Variants in MYO9A observed in about 807,000 individuals in gnomAD.
The protein encoded by MYO9A is myosin IXA, also known as unconventional myosin-IXa.
Under a neutral mutation model 293.3 loss-of-function variants are expected in MYO9A, and 103 were observed. The ratio of observed to expected loss-of-function variants is 0.35; its 90% CI spans 0.30 to 0.41. The LOEUF is 0.41. Among genes scored for constraint, MYO9A ranks in the 10% least tolerant of loss-of-function variants. MYO9A has a pLI of 1.00. For missense variants in MYO9A, 2,685 were observed against 3,033.0 expected (o/e 0.89, Z 2.69); for synonymous variants, 1,001 against 1,035.7 (o/e 0.97, Z 0.64).
chr15:71,989,900 T>C lies in MYO9A; in HGVS notation c.1722+1203A>G, dbSNP rs1026877060. 3.3e-5 allele frequency among the ~76,000 whole-genome samples: 5 copies of C among 151,818 alleles called. No individual in the cohort carries two copies. The East Asian group carries it at 9.7e-4, about 29-fold the overall frequency. ...CAAAAATTAGTTGGGTGTGGTGACG[T>C]GCACCTGTGGTCCCAGCTCTTGAGT... is the stretch of plus-strand genomic sequence containing the variant. On this transcript the variant is annotated intron_variant, in intron 11 of 41. Transcript: ENST00000356056.
intron 2 of MYO9A, among the ~76,000 whole-genome samples, chr15:72,043,531 T>C (rs1404716277): frequency 1.3e-5 from 2 of 152,186 alleles, no homozygotes; most frequent in Non-Finnish European, 2.9e-5. Context: ...TATCGACATA[T>C]GCAACAACAT....
At chr15:71,925,560 C>T (rs187477064) in intron 18 of MYO9A, among the ~76,000 whole-genome samples, 19 of 151,832 alleles carry the variant, frequency 1.3e-4, no homozygotes, top group Admixed American at 1.2e-3. Context: ...TATCTGCTGT[C>T]GTTTTGTTCT....
In MYO9A at chr15:72,045,856, C is replaced by T. The variant is rs1305374186; in HGVS notation, c.708G>A (p.Val236=). The change falls in exon 2 of 42, where the codon GTG becomes GTA. Residue 236 remains valine, a synonymous_variant. Transcript: ENST00000356056. ...TCCCAGAACCACTCTCTCCTGAAATCACGATGCACTGATTCTTTTTGCGCT... is the reference window on the plus strand; with the variant it reads ...TCCCAGAACCACTCTCTCCTGAAATTACGATGCACTGATTCTTTTTGCGCT... The part of the protein sequence containing the change: ...MLQRKKNQCI[V]ISGESGSGKT... 6.2e-7 allele frequency: 1 copy of T among 1,614,136 alleles called. No individual in the cohort carries two copies. The highest frequency in any genetic ancestry group is 1.3e-5 in the African/African-American group (1 of 75,034).
intron 15 of MYO9A, among the ~76,000 whole-genome samples, chr15:71,949,878 A>G (rs1450091879): frequency 6.6e-6 from 1 of 152,110 alleles, no homozygotes; most frequent in Non-Finnish European, 1.5e-5. Flanking sequence ...CTCTGAAACT[A>G]TGCAAGTTAG....
chr15:71,961,094 T>C (rs184381810), intron 13 of MYO9A, among the ~76,000 whole-genome samples: 15 of 152,254 alleles, frequency 9.9e-5, no homozygotes, highest in Admixed American at 3.3e-4. Context: ...GGTTGCTGCA[T>C]AGGAAATGAA....
chr15:71,827,763 A>G, intron 41 of MYO9A, 121 bp downstream of exon 41: 11 of 1,160,394 alleles, frequency 9.5e-6, no homozygotes, highest in Non-Finnish European at 1.2e-5. Context: ...AAATTCCTCA[A>G]GACTTTGTTA....
intron 11 of MYO9A, among the ~76,000 whole-genome samples, chr15:71,988,268 G>A (rs2076453347): frequency 6.6e-6 from 1 of 152,160 alleles, no homozygotes; most frequent in African/African-American, 2.4e-5. Context: ...TTATGTAAGA[G>A]TTTTGGACTG....
rs1027666400 is a variant in MYO9A, at chr15:71,823,385, G to T, written c.*3195C>A. On this transcript the variant is annotated 3_prime_UTR_variant, in exon 42 of 42. Coordinates refer to ENST00000356056, the MANE Select transcript of MYO9A (RefSeq NM_006901.4). Reference sequence around the variant, plus strand: ...TGGAGTCTTCATTAATCTTCCAGCAGGGTAAGTGCTCTGGCAGGTTTCCAA... The same window carrying T: ...TGGAGTCTTCATTAATCTTCCAGCATGGTAAGTGCTCTGGCAGGTTTCCAA... 6.6e-6 allele frequency: 1 copy of T among 152,196 alleles called. No homozygotes were observed. The highest frequency in any genetic ancestry group is 1.5e-5 in the Non-Finnish European group (1 of 68,040). 9.4% of individuals were successfully genotyped at this position (152,196 alleles called of 1,614,324 possible).
intron 13 of MYO9A, among the ~76,000 whole-genome samples, chr15:71,964,827 A>C (rs185266603): frequency 8.6e-4 from 130 of 151,658 alleles, no homozygotes; most frequent in African/African-American, 3.0e-3. Flanking sequence ...TGGTGGCACA[A>C]GCCTGTAGTC....
At chr15:71,983,834 T>C (rs1326128600) in intron 11 of MYO9A, among the ~76,000 whole-genome samples, 1 of 152,274 alleles carries the variant, frequency 6.6e-6, no homozygotes, top group African/African-American at 2.4e-5. Context: ...GCCTCATTAA[T>C]ATTCATTTAG....
At chr15:71,952,827 A>G (rs990136946) in intron 14 of MYO9A, among the ~76,000 whole-genome samples, 1 of 152,246 alleles carries the variant, frequency 6.6e-6, no homozygotes, top group African/African-American at 2.4e-5. Context: ...GGAATGAGAT[A>G]CAACAGAACA....
chr15:71,969,803 T>C (rs1348866644), intron 12 of MYO9A, among the ~76,000 whole-genome samples: 1 of 152,064 alleles, frequency 6.6e-6, no homozygotes, highest in Non-Finnish European at 1.5e-5. Context: ...ACTTATTACA[T>C]TACCAGGCAA....
At chr15:71,966,926 C>A (rs2075893666) in intron 13 of MYO9A, among the ~76,000 whole-genome samples, 1 of 152,068 alleles carries the variant, frequency 6.6e-6, no homozygotes, top group Non-Finnish European at 1.5e-5. Context: ...CCTGTCTATT[C>A]TCTAAGTTCA....
chr15:71,984,870 A>G (rs1321062724), intron 11 of MYO9A, among the ~76,000 whole-genome samples: 1 of 152,160 alleles, frequency 6.6e-6, no homozygotes, highest in Non-Finnish European at 1.5e-5. Flanking sequence ...TCTAGTGCTA[A>G]TATCATTGGC....
Position 71,897,646 on chromosome 15 carries a change from T to C in MYO9A, c.4857A>G (p.Glu1619=). The change falls in exon 25 of 42, where the codon GAA becomes GAG. Residue 1619 remains glutamate, a synonymous_variant. Transcript: ENST00000356056. ...TGCCCATTCTGTCTGTCTTGGATAA[T>C]TCCTTGACAGTACTAGATTGGCATG... ...GSPCQSSTVK[E]LSKTDRMGTQ... The C allele has an allele frequency of 6.2e-7, 1 of 1,614,110 alleles. No individual in the cohort carries two copies.
chr15:72,028,855 T>C (rs905094675), intron 3 of MYO9A, among the ~76,000 whole-genome samples: 2 of 152,208 alleles, frequency 1.3e-5, no homozygotes, highest in African/African-American at 2.4e-5. Flanking sequence ...TGATTTACTC[T>C]ATAGTTATTT....
At chr15:72,087,408 T>G in intron 1 of MYO9A, among the ~76,000 whole-genome samples, 1 of 152,220 alleles carries the variant, frequency 6.6e-6, no homozygotes, top group Non-Finnish European at 1.5e-5. Context: ...ACTTTTCAAG[T>G]GTGCTTGAGA....
intron 12 of MYO9A, among the ~76,000 whole-genome samples, chr15:71,973,059 T>C (rs2076053884): frequency 6.6e-6 from 1 of 152,168 alleles, no homozygotes; most frequent in Non-Finnish European, 1.5e-5. Flanking sequence ...GAGAGTACTG[T>C]GTTGGTCCTT....
chr15:71,875,402 A>C (rs1290763606), intron 32 of MYO9A, among the ~76,000 whole-genome samples: 1 of 152,206 alleles, frequency 6.6e-6, no homozygotes, highest in Non-Finnish European at 1.5e-5. Flanking sequence ...AAACATGAAC[A>C]ATGATAAAAT....
Sources: allele counts gnomAD v4.1 joint callset (sites outside exome capture counted in the v4.1 genomes callset), GRCh38; gene constraint gnomAD v4.1.1; transcripts MANE v1.5; gene names NCBI Gene and HGNC (gene_info 2026-07-23, HGNC 2026-07-21).